Variants in RGS7 observed in about 807,000 individuals in gnomAD.
RGS7 encodes regulator of G protein signaling 7.
RGS7 carries 27 observed loss-of-function variants against 81.1 expected under a neutral mutation model. The ratio of observed to expected loss-of-function variants is 0.33; its 90% CI spans 0.25 to 0.46. RGS7 has a LOEUF of 0.46. RGS7 is among the 20% of genes least tolerant of loss of function. The probability of loss-of-function intolerance (pLI) is 1.00; values close to 1 mark genes in which losing one functional copy is unlikely to be tolerated. For missense variants in RGS7, 396 were observed against 607.4 expected, an observed-to-expected ratio of 0.65 and a Z score of 3.66; for synonymous variants, 208 against 207.7, an observed-to-expected ratio of 1.00 and a Z score of -0.01.
chr1:241,240,498 A>C (rs1165187545), intron 2 of RGS7, among the ~76,000 whole-genome samples: 1 of 152,220 alleles, frequency 6.6e-6, no homozygotes, highest in Non-Finnish European at 1.5e-5. Context: ...ACTTGTAAAA[A>C]ATGAAACCTG....
At chr1:241,091,365 G>A (rs927647297) in intron 3 of RGS7, among the ~76,000 whole-genome samples, 48 of 151,708 alleles carry the variant, frequency 3.2e-4, no homozygotes, top group African/African-American at 9.7e-4. Flanking sequence ...TGGCTAACAC[G>A]GTGAAACCCC....
At chr1:240,788,607 G>A (rs1384704866) in intron 18 of RGS7, among the ~76,000 whole-genome samples, 1 of 152,218 alleles carries the variant, frequency 6.6e-6, no homozygotes, top group Non-Finnish European at 1.5e-5. Context: ...AGCACTCCAG[G>A]TGATTCTGAT....
At position 240,814,663 on chromosome 1, in the gene RGS7, T is replaced by C. The variant is rs1382498233; in HGVS notation, c.845+53A>G. The C allele has an allele frequency of 7.5e-6, 8 of 1,069,072 alleles. No individual in the cohort carries two copies. In the Admixed American group the frequency reaches 1.0e-4, roughly 14 times the overall value. The allele number at this position is 1,069,072 out of a possible 1,614,324, so 66.2% of individuals were successfully genotyped here. The stretch of plus-strand genomic sequence containing the variant: ...CAGTTCTCTTTCATTTTTAAACACA[T>C]GTAATTGTCATATGAAATTTTAAAA... On this transcript the variant is annotated intron_variant, in intron 12 of 18. Coordinates refer to ENST00000440928, the MANE Select transcript of RGS7 (RefSeq NM_001364886.1).
intron 18 of RGS7, among the ~76,000 whole-genome samples, chr1:240,791,069 A>G (rs1443487122): frequency 6.6e-6 from 1 of 152,200 alleles, no homozygotes; most frequent in Non-Finnish European, 1.5e-5. Flanking sequence ...TTTAATACCA[A>G]AATAAAATCT....
At chr1:240,926,590 C>T (rs887998577) in intron 6 of RGS7, among the ~76,000 whole-genome samples, 1 of 152,172 alleles carries the variant, frequency 6.6e-6, no homozygotes, top group Non-Finnish European at 1.5e-5. Context: ...AACCCTGCCT[C>T]GGCTTCTGTT....
At chr1:240,904,722 A>C (rs1416383040) in intron 6 of RGS7, among the ~76,000 whole-genome samples, 1 of 152,236 alleles carries the variant, frequency 6.6e-6, no homozygotes, top group Non-Finnish European at 1.5e-5. Context: ...CAAGCATGGA[A>C]TATTGATCAT....
chr1:240,862,923 A>ATG (rs1491453846), intron 9 of RGS7, among the ~76,000 whole-genome samples: 2 of 141,992 alleles, frequency 1.4e-5, no homozygotes, highest in African/African-American at 6.2e-5. Context: ...TGTAAACTAA[A>ATG]TATGTGTGTG....
At chr1:241,355,899 C>A in intron 1 of RGS7, 73 bp from the exon 2 acceptor site, 1 of 811,700 alleles carries the variant, frequency 1.2e-6, no homozygotes, top group Admixed American at 1.9e-5. Flanking sequence ...ATTCACAGCA[C>A]CCACCCCACA....
intron 6 of RGS7, among the ~76,000 whole-genome samples, chr1:240,920,945 T>C (rs934338245): frequency 6.4e-5 from 7 of 108,546 alleles, no homozygotes; most frequent in Non-Finnish European, 8.7e-5. Flanking sequence ...TGAATAAATG[T>C]CTTTTTTTTT....
At chr1:241,175,391 C>A (rs774053760) in intron 2 of RGS7, among the ~76,000 whole-genome samples, 4 of 152,144 alleles carry the variant, frequency 2.6e-5, no homozygotes, top group Non-Finnish European at 4.4e-5. Flanking sequence ...TTGGATGGGA[C>A]TTGTCTGGTT....
intron 6 of RGS7, among the ~76,000 whole-genome samples, chr1:240,882,190 C>T (rs568683942): frequency 6.6e-6 from 1 of 152,282 alleles, no homozygotes; most frequent in East Asian, 1.9e-4. Flanking sequence ...GCTGGGATTA[C>T]AAGCATGAGC....
chr1:240,807,613 A>C (rs545390719), intron 14 of RGS7, among the ~76,000 whole-genome samples: 1 of 152,330 alleles, frequency 6.6e-6, no homozygotes, highest in East Asian at 1.9e-4. Flanking sequence ...TTATAGATAT[A>C]TGTAGCAGAG....
At chr1:241,042,825 A>T (rs190132636) in intron 3 of RGS7, among the ~76,000 whole-genome samples, 49 of 152,126 alleles carry the variant, frequency 3.2e-4, no homozygotes, top group Admixed American at 7.2e-4. Context: ...CTGTAATCCC[A>T]GCTACTTGGG....
rs2065915131 is a variant in RGS7, at chr1:241,116,824, A to T, written c.79-18062T>A. 2.0e-5 allele frequency among the ~76,000 whole-genome samples: 3 copies of T among 152,280 alleles called. No individual in the cohort carries two copies. In the South Asian group the frequency reaches 6.2e-4, roughly 32 times the overall value. On this transcript the variant is annotated intron_variant, in intron 2 of 18. Coordinates refer to ENST00000440928, the MANE Select transcript of RGS7 (RefSeq NM_001364886.1). ...ATCCTCCTTCCAGCTATTTGAAATT[A>T]TATGATATATGTTATTGTTAACTAT...
intron 4 of RGS7, among the ~76,000 whole-genome samples, chr1:240,947,190 G>A (rs1678780304): frequency 6.6e-6 from 1 of 152,062 alleles, no homozygotes; most frequent in African/African-American, 2.4e-5. Context: ...GACTGCCCTG[G>A]CCCCGTTGCA....
chr1:240,950,461 C>T (rs999094665), intron 4 of RGS7, among the ~76,000 whole-genome samples: 1 of 152,146 alleles, frequency 6.6e-6, no homozygotes, highest in Non-Finnish European at 1.5e-5. Flanking sequence ...GGAATAAAAG[C>T]AAACAACATT....
At chr1:241,070,361 C>T (rs573671845) in intron 3 of RGS7, among the ~76,000 whole-genome samples, 32 of 148,074 alleles carry the variant, frequency 2.2e-4, no homozygotes, top group African/African-American at 7.9e-4. Flanking sequence ...AGAAGTCATT[C>T]GATTATGCTA....
intron 9 of RGS7, among the ~76,000 whole-genome samples, chr1:240,849,650 T>C (rs1047013581): frequency 2.0e-5 from 3 of 152,118 alleles, no homozygotes; most frequent in Non-Finnish European, 4.4e-5. Context: ...CCGAGAGATC[T>C]GGTTGTTTAA....
intron 2 of RGS7, among the ~76,000 whole-genome samples, chr1:241,147,778 TTTTATATATATATA>T (rs1164141734): frequency 0.024 from 468 of 19,438 alleles, 10 homozygotes; most frequent in African/African-American, 0.059. Flanking sequence ...CTAGATTAAG[TTTTATATATATATA>T]TATATATATA....
Sources: allele counts gnomAD v4.1 joint callset (sites outside exome capture counted in the v4.1 genomes callset), GRCh38; gene constraint gnomAD v4.1.1; transcripts MANE v1.5; gene names NCBI Gene and HGNC (gene_info 2026-07-23, HGNC 2026-07-21).